Variants in DPH6 observed in about 807,000 individuals in gnomAD.
The protein encoded by DPH6 is diphthamine biosynthesis 6, also known as diphthine--ammonia ligase.
In DPH6, 33 loss-of-function variants were observed where a neutral mutation model predicts 38.2. That is an observed-to-expected ratio of 0.86 (90% CI 0.65 to 1.15). The LOEUF (loss-of-function observed/expected upper bound fraction) is 1.15. DPH6 is among the 50% of genes most tolerant of loss of function. The probability of loss-of-function intolerance (pLI) is 0.00; values close to 1 mark genes in which losing one functional copy is unlikely to be tolerated. For synonymous variants in DPH6, 108 were observed against 103.0 expected (o/e 1.05, Z -0.30); for missense variants, 325 against 320.0 (o/e 1.02, Z -0.12).
chr15:35,332,285 A>G (rs1350859929), intron 3 of DPH6, among the ~76,000 whole-genome samples: 1 of 152,188 alleles, frequency 6.6e-6, no homozygotes, highest in Non-Finnish European at 1.5e-5. Context: ...AATTAATGAA[A>G]AAATTAGGCA....
chr15:35,437,976 C>G (rs564864445), intron 5 of DPH6, among the ~76,000 whole-genome samples: 6 of 152,196 alleles, frequency 3.9e-5, no homozygotes, highest in Non-Finnish European at 8.8e-5. Context: ...TTTCCTTCCT[C>G]TGAGTCCCTG....
chr15:35,205,876 C>T, the DPH6 span, among the ~76,000 whole-genome samples: 10 of 152,152 alleles, frequency 6.6e-5, no homozygotes, highest in Admixed American at 2.6e-4. Flanking sequence ...ATCCCACTGT[C>T]GGGCAATATG....
chr15:35,338,654 C>T (rs979573597), intron 3 of DPH6, among the ~76,000 whole-genome samples: 3 of 152,086 alleles, frequency 2.0e-5, no homozygotes, highest in East Asian at 1.9e-4. Context: ...ACTAGAAATA[C>T]CATTTGACCC....
At chr15:35,262,633 G>A (rs1247937423) in intron 3 of DPH6, among the ~76,000 whole-genome samples, 3 of 149,628 alleles carry the variant, frequency 2.0e-5, no homozygotes, top group South Asian at 2.1e-4. Context: ...GTGAACCCGG[G>A]AGGCGGAGCT....
chr15:35,447,957 GAACA>G (rs2053878459), intron 5 of DPH6, among the ~76,000 whole-genome samples: 1 of 152,024 alleles, frequency 6.6e-6, no homozygotes, highest in Non-Finnish European at 1.5e-5. Context: ...TCATTTAACT[GAACA>G]AACTAACCCT....
intron 3 of DPH6, among the ~76,000 whole-genome samples, chr15:35,302,053 A>G (rs2052058236): frequency 6.6e-6 from 1 of 152,210 alleles, no homozygotes; most frequent in Non-Finnish European, 1.5e-5. Context: ...AAATACATAT[A>G]TAGGTTTGGT....
At chr15:35,543,257 A>ATT (rs1440358397) in intron 1 of DPH6, among the ~76,000 whole-genome samples, 1 of 100,992 alleles carries the variant, frequency 9.9e-6, no homozygotes, top group African/African-American at 5.1e-5. Context: ...ACACATACAC[A>ATT]TAATATATAT....
chr15:35,538,872 C>A (rs1050442890), intron 2 of DPH6, among the ~76,000 whole-genome samples: 2 of 151,740 alleles, frequency 1.3e-5, no homozygotes, highest in Non-Finnish European at 2.9e-5. Context: ...GAAAAAAAAA[C>A]CTTTCTTAAT....
the DPH6 span, among the ~76,000 whole-genome samples, chr15:35,185,724 C>CTTTTTTTTTT: frequency 1.2e-5 from 1 of 83,014 alleles, no homozygotes; most frequent in Non-Finnish European, 2.5e-5. Flanking sequence ...CCAATCCACT[C>CTTTTTTTTTT]TTTTTTTTTT....
At chr15:35,414,007 A>G (rs1415650405) in intron 5 of DPH6, among the ~76,000 whole-genome samples, 1 of 151,692 alleles carries the variant, frequency 6.6e-6, no homozygotes, top group African/African-American at 2.4e-5. Flanking sequence ...CCTTTAGACC[A>G]GAACTTAGTA....
chr15:35,257,784 G>GTGTGTGTGTT (rs2051718105), intron 3 of DPH6, among the ~76,000 whole-genome samples: 1 of 149,670 alleles, frequency 6.7e-6, no homozygotes, highest in Admixed American at 6.6e-5. Context: ...GTGTGTGTGT[G>GTGTGTGTGTT]TGTGTGTGTG....
intron 3 of DPH6, among the ~76,000 whole-genome samples, chr15:35,353,877 G>C (rs1315540840): frequency 1.3e-5 from 2 of 152,142 alleles, no homozygotes; most frequent in Admixed American, 6.5e-5. Context: ...GGGCAGTATA[G>C]CCATTTTCAC....
intron 3 of DPH6, among the ~76,000 whole-genome samples, chr15:35,234,255 A>C (rs2051537435): frequency 6.6e-6 from 1 of 152,246 alleles, no homozygotes; most frequent in Admixed American, 6.5e-5. Context: ...ATTTAATGGC[A>C]AACTTCTGTT....
intron 6 of DPH6, 113 bp downstream of exon 6, chr15:35,410,722 G>A: frequency 1.3e-6 from 1 of 745,854 alleles, no homozygotes; most frequent in Non-Finnish European, 2.1e-6. Flanking sequence ...AATATATTAT[G>A]AATGTATTTG....
downstream of DPH6, among the ~76,000 whole-genome samples, chr15:35,368,280 G>T (rs950313725): frequency 9.9e-5 from 15 of 151,822 alleles, no homozygotes; most frequent in African/African-American, 3.4e-4. Flanking sequence ...AAGGAGAGAA[G>T]CAGGAGGCAT....
At chr15:35,407,997 T>C (rs1008156388) in intron 6 of DPH6, among the ~76,000 whole-genome samples, 1 of 152,016 alleles carries the variant, frequency 6.6e-6, no homozygotes, top group Non-Finnish European at 1.5e-5. Flanking sequence ...AAATAACGGA[T>C]CATGGCAGGG....
intron 3 of DPH6, among the ~76,000 whole-genome samples, chr15:35,257,950 T>C (rs533427555): frequency 3.3e-5 from 5 of 152,294 alleles, no homozygotes; most frequent in African/African-American, 1.2e-4. Flanking sequence ...AAGCGGCTAC[T>C]TAATCCACCA....
At chr15:35,545,978 C>A (rs1015611715) in intron 1 of DPH6, 141 bp downstream of exon 1, 1 of 772,554 alleles carries the variant, frequency 1.3e-6, no homozygotes, top group Non-Finnish European at 1.8e-6. Context: ...GAAGGCTCCG[C>A]CTCTTCCTGT....
intron 3 of DPH6, among the ~76,000 whole-genome samples, chr15:35,530,817 A>T (rs949402826): frequency 6.6e-6 from 1 of 152,224 alleles, no homozygotes; most frequent in African/African-American, 2.4e-5. Context: ...TTATCATCTG[A>T]AAGGACCAGA....
Sources: allele counts gnomAD v4.1 joint callset (sites outside exome capture counted in the v4.1 genomes callset), GRCh38; gene constraint gnomAD v4.1.1; transcripts MANE v1.5; gene names NCBI Gene and HGNC (gene_info 2026-07-23, HGNC 2026-07-21).